Variants in IQCB1 observed in about 807,000 individuals in gnomAD.
IQCB1 encodes the protein IQ calmodulin-binding motif-containing protein 1.
In IQCB1, 56 loss-of-function variants were observed where a neutral mutation model predicts 84.4. The ratio of observed to expected loss-of-function variants is 0.66; its 90% CI spans 0.54 to 0.83. The LOEUF (loss-of-function observed/expected upper bound fraction) is 0.83, where lower values mean the gene tolerates loss of function less well. Among genes scored for constraint, IQCB1 ranks in the 40% least tolerant of loss-of-function variants. The pLI is 0.00. For synonymous variants in IQCB1, 210 were observed against 234.8 expected (o/e 0.89, Z 0.96); for missense variants, 629 against 682.1 (o/e 0.92, Z 0.87).
chr3:121,807,399 C>T lies in IQCB1; in HGVS notation c.532G>A (p.Val178Ile), dbSNP rs1272185942. The T allele has an allele frequency of 3.8e-6, 6 of 1,580,082 alleles. No homozygotes were observed. The highest frequency in any genetic ancestry group is 5.2e-6 in the Non-Finnish European group (6 of 1,150,172). The change falls in exon 7 of 15, where the codon GTC becomes ATC. Residue 178 changes from valine to isoleucine, a missense_variant. By Grantham distance (29) the Val-to-Ile change is conservative. Transcript: ENST00000310864. ...ATCATGACTGCAGATCCTATTTGGA[C>T]ATTGTCAGCTTGCAGTAAATGTAAG... ...HFLHLLQADN[V>I]QIGSAVMMML...
chr3:121,783,165 T>C (rs995716289), intron 12 of IQCB1, among the ~76,000 whole-genome samples: 17 of 151,628 alleles, frequency 1.1e-4, no homozygotes, highest in African/African-American at 4.2e-4. Context: ...TAGAATGCGA[T>C]TGTTTAATTT....
chr3:121,807,300 T>A, intron 7 of IQCB1, 44 bp downstream of exon 7: 1 of 951,452 alleles, frequency 1.1e-6, no homozygotes, highest in Non-Finnish European at 1.7e-6. Flanking sequence ...TGGTAATGCT[T>A]CTGATAAAAA....
At chr3:121,807,888 C>T (rs1008340818) in intron 6 of IQCB1, among the ~76,000 whole-genome samples, 5 of 151,838 alleles carry the variant, frequency 3.3e-5, no homozygotes, top group Non-Finnish European at 5.9e-5. Flanking sequence ...ATAATGAATA[C>T]GCTAACTACA....
chr3:121,781,784 C>T lies in IQCB1; in HGVS notation c.1369G>A (p.Glu457Lys), dbSNP rs772369157. ...TAGTCATCCACTCGTTTCTTCAGTT[C>T]AACTCGGCGTGCATCAGTGAGTTCT... Reference protein sequence around the residue: ...LQELTDARRVELKKRVDDYVR... With the variant: ...LQELTDARRVKLKKRVDDYVR... Residue 457 changes from glutamate (E) to lysine (K), a missense_variant, in exon 13 of 15, where the codon GAA becomes AAA. By Grantham distance (56) the Glu-to-Lys change is moderately conservative (BLOSUM62 1). Transcript: ENST00000310864. 1 of 1,613,674 alleles carries T rather than the reference C, an allele frequency of 6.2e-7. No individual in the cohort carries two copies. Among genetic ancestry groups the T allele is most frequent in the Non-Finnish European group, 8.5e-7 (1 of 1,179,838 alleles).
intron 13 of IQCB1, among the ~76,000 whole-genome samples, chr3:121,777,813 T>C (rs1278575722): frequency 2.0e-5 from 3 of 152,206 alleles, no homozygotes; most frequent in Non-Finnish European, 4.4e-5. Flanking sequence ...TTATTTATTA[T>C]GATTTTAAGT....
At chr3:121,797,721 G>A (rs1949257812) in intron 8 of IQCB1, among the ~76,000 whole-genome samples, 1 of 151,818 alleles carries the variant, frequency 6.6e-6, no homozygotes, top group African/African-American at 2.4e-5. Flanking sequence ...TATAATTTGG[G>A]GCAAATCAAT....
intron 11 of IQCB1, among the ~76,000 whole-genome samples, chr3:121,788,916 G>A (rs1304509791): frequency 6.6e-6 from 1 of 152,100 alleles, no homozygotes; most frequent in African/African-American, 2.4e-5. Context: ...GACAGAATAA[G>A]GCAGTAGAAT....
intron 5 of IQCB1, among the ~76,000 whole-genome samples, chr3:121,825,416 A>G (rs1576615798): frequency 6.6e-6 from 1 of 152,226 alleles, no homozygotes; most frequent in East Asian, 1.9e-4. Context: ...GGAGGGCCAT[A>G]AAACAAGTCT....
Position 121,781,857 on chromosome 3 carries a change from C to A in IQCB1, c.1296G>T (p.Ala432=), listed in dbSNP as rs761109901. The A allele has an allele frequency of 1.1e-5, 17 of 1,613,330 alleles. No individual in the cohort carries two copies. The highest frequency in any genetic ancestry group is 1.4e-5 in the Non-Finnish European group (17 of 1,179,618). Residue 432 remains alanine (A), a synonymous_variant, in exon 13 of 15, where the codon GCG becomes GCT. Transcript: ENST00000310864. ...ATAGTTTCTTTTTCTTACGGCACTT[C>A]GCTAGGAATTTAAGCGCCTGGAAGA... ...TLQRAALKFL[A]KCRKKKKLFA...
chr3:121,807,723 A>C (rs1395546626), intron 6 of IQCB1, among the ~76,000 whole-genome samples: 1 of 151,994 alleles, frequency 6.6e-6, no homozygotes, highest in Admixed American at 6.6e-5. Flanking sequence ...ATCATATCCT[A>C]AATCTGAATC....
intron 3 of IQCB1, 53 bp from the exon 4 acceptor site, chr3:121,828,685 C>A (rs1950535138): frequency 3.1e-6 from 4 of 1,271,870 alleles, no homozygotes; most frequent in African/African-American, 1.5e-5. Flanking sequence ...CATCCAGGAG[C>A]TATTTGTATT....
intron 7 of IQCB1, among the ~76,000 whole-genome samples, chr3:121,801,436 A>G (rs115790841): frequency 0.011 from 1,693 of 152,092 alleles, 38 homozygotes; most frequent in African/African-American, 0.038. Context: ...CACAAAACCA[A>G]CTTCTTATAT....
Position 121,828,551 on chromosome 3 carries a change from T to C in IQCB1, c.182A>G (p.Tyr61Cys). The change falls in exon 4 of 15, where the codon TAT becomes TGT. Residue 61 changes from tyrosine to cysteine, a missense_variant. Physicochemically the swap from Tyr to Cys is radical, Grantham distance 194. Coordinates refer to ENST00000310864, the MANE Select transcript of IQCB1 (RefSeq NM_001023570.4). ...ATCTTGACTGAGGACCAAGAGGCAATATTGAATGAGATCATAACAATATAT... is the reference window on the plus strand; with the variant it reads ...ATCTTGACTGAGGACCAAGAGGCAACATTGAATGAGATCATAACAATATAT... Reference protein sequence around the residue: ...QDIYCYDLIQYCLLVLSQDYS... With the variant: ...QDIYCYDLIQCCLLVLSQDYS... The C allele has an allele frequency of 1.2e-6, 2 of 1,608,894 alleles. No homozygotes were observed. The highest frequency in any genetic ancestry group is 1.7e-6 in the Non-Finnish European group (2 of 1,175,356).
At chr3:121,797,713 T>C (rs1949257021) in intron 8 of IQCB1, among the ~76,000 whole-genome samples, 1 of 152,046 alleles carries the variant, frequency 6.6e-6, no homozygotes, top group Admixed American at 6.6e-5. Context: ...GTAACATATA[T>C]AATTTGGGGC....
chr3:121,789,986 A>G, intron 11 of IQCB1, 87 bp downstream of exon 11: 1 of 1,215,098 alleles, frequency 8.2e-7, no homozygotes, highest in Non-Finnish European at 1.2e-6. Flanking sequence ...CAAATTTAAA[A>G]AAAAATCATC....
chr3:121,795,546 G>A lies in IQCB1; in HGVS notation c.897C>T (p.Cys299=). ...VEEQKLHQAA[C]LIQAYWKGFQ... The stretch of plus-strand genomic sequence containing the variant: ...AACCCTTCCAATAGGCTTGAATCAA[G>A]CATGCTGCTTGATGTAGTTTCTGAA... The change falls in exon 10 of 15, where the codon TGC becomes TGT. Residue 299 remains cysteine (C), a synonymous_variant. Coordinates refer to ENST00000310864, the MANE Select transcript of IQCB1 (RefSeq NM_001023570.4). 6.3e-7 allele frequency: 1 copy of A among 1,598,242 alleles called. No homozygotes were observed. The highest frequency in any genetic ancestry group is 8.6e-7 in the Non-Finnish European group (1 of 1,166,182).
intron 2 of IQCB1, among the ~76,000 whole-genome samples, chr3:121,830,393 C>G (rs1413622224): frequency 6.6e-6 from 1 of 151,580 alleles, no homozygotes; most frequent in Non-Finnish European, 1.5e-5. Flanking sequence ...AAGCAAGACC[C>G]TGTCTCTAAA....
chr3:121,797,764 TACA>T (rs1949260016), intron 8 of IQCB1, among the ~76,000 whole-genome samples: 3 of 152,016 alleles, frequency 2.0e-5, no homozygotes, highest in Non-Finnish European at 4.4e-5. Flanking sequence ...GGTGAAGTGC[TACA>T]ACACTAGGAT....
chr3:121,770,249 A>G lies in IQCB1; in HGVS notation c.*96T>C, dbSNP rs375908566. ...TCTGGAGGAGAACCTCTGGAAAATA[A>G]TAAGTTAGGATGGCCCTAGTCTACC... On this transcript the variant is annotated 3_prime_UTR_variant, in exon 15 of 15. Coordinates refer to ENST00000310864, the MANE Select transcript of IQCB1 (RefSeq NM_001023570.4). 4.9e-5 allele frequency: 39 copies of G among 795,478 alleles called. No homozygotes were observed. Among genetic ancestry groups the G allele is most frequent in the East Asian group, 3.9e-4 (15 of 38,424 alleles). The allele number at this position is 795,478 out of a possible 1,614,324, so 49.3% of individuals were successfully genotyped here.
Sources: allele counts gnomAD v4.1 joint callset (sites outside exome capture counted in the v4.1 genomes callset), GRCh38; gene constraint gnomAD v4.1.1; transcripts MANE v1.5; gene names NCBI Gene and HGNC (gene_info 2026-07-23, HGNC 2026-07-21).